Variants in PDE8B observed in about 807,000 individuals in gnomAD.
PDE8B encodes phosphodiesterase 8B.
Under a neutral mutation model 101.3 loss-of-function variants are expected in PDE8B, and 26 were observed. That is an observed-to-expected ratio of 0.26 (90% CI 0.19 to 0.36). The LOEUF (loss-of-function observed/expected upper bound fraction) is 0.36. PDE8B is among the 10% of genes least tolerant of loss of function. The pLI is 1.00. For missense variants in PDE8B, 810 were observed against 1,163.1 expected, an observed-to-expected ratio of 0.70 and a Z score of 4.42; for synonymous variants, 424 against 429.3, an observed-to-expected ratio of 0.99 and a Z score of 0.15.
the PDE8B span, chr5:77,086,910 CG>C: frequency 6.6e-6 from 1 of 152,412 alleles, no homozygotes; most frequent in East Asian, 1.9e-4. Flanking sequence ...AGACGGTGAG[CG>C]GGGCCTTGCC....
At position 77,290,199 on chromosome 5, in the gene PDE8B, C is replaced by T. The variant is rs570007740; in HGVS notation, c.340-21795C>T. On this transcript the variant is annotated intron_variant, in intron 1 of 21. Transcript: ENST00000264917. ...AAAACCATTGATGTGGCGCCTGCCT[C>T]GCGCACTGTGTGTGCACGCTGCAAA... 148 of 1,531,304 alleles carry T rather than the reference C, an allele frequency of 9.7e-5. No individual in the cohort carries two copies. In the South Asian group the frequency reaches 1.1e-3, roughly 12 times the overall value. The allele number at this position is 1,531,304 out of a possible 1,614,324, so 94.9% of individuals were successfully genotyped here.
At position 77,353,421 on chromosome 5, in the gene PDE8B, C is replaced by T. The variant is rs565643952; in HGVS notation, c.1167+15C>T. On this transcript the variant is annotated intron_variant, in intron 10 of 21. Transcript: ENST00000264917. ...ATAATAAGCAGGTATGGTATTAGCT[C>T]ACTTCGTTTGCTCTGTCTGTTTGGC... 14 of 1,537,738 alleles carry T rather than the reference C, an allele frequency of 9.1e-6. No individual in the cohort carries two copies. Among genetic ancestry groups the T allele is most frequent in the Non-Finnish European group, 1.3e-5 (14 of 1,110,292 alleles).
the PDE8B span, among the ~76,000 whole-genome samples, chr5:77,091,795 C>G: frequency 6.6e-6 from 1 of 152,062 alleles, no homozygotes; most frequent in Non-Finnish European, 1.5e-5. Context: ...AGCTTTATTG[C>G]TTTGAGTGTC....
chr5:77,408,312 G>A (rs1035894263), intron 13 of PDE8B, among the ~76,000 whole-genome samples: 2 of 152,236 alleles, frequency 1.3e-5, no homozygotes, highest in African/African-American at 4.8e-5. Context: ...AAAATGACAT[G>A]AGATAGAAGT....
intron 1 of PDE8B, 134 bp from the exon 2 acceptor site, chr5:77,311,860 C>G: frequency 1.3e-6 from 1 of 795,032 alleles, no homozygotes; most frequent in Non-Finnish European, 2.3e-6. Context: ...CTTGGTAACC[C>G]ATCTCCAGTT....
At chr5:77,406,103 A>G (rs758817716) in intron 12 of PDE8B, among the ~76,000 whole-genome samples, 2 of 152,122 alleles carry the variant, frequency 1.3e-5, no homozygotes, top group Non-Finnish European at 2.9e-5. Context: ...CCTGATCAAC[A>G]TGGTGAAACC....
chr5:77,202,563 A>G, the PDE8B span, among the ~76,000 whole-genome samples: 6 of 152,330 alleles, frequency 3.9e-5, no homozygotes, highest in African/African-American at 1.4e-4. Context: ...TACTACATAT[A>G]ACATGTAAAA....
At chr5:77,087,335 C>T in the PDE8B span, 1 of 152,368 alleles carries the variant, frequency 6.6e-6, no homozygotes, top group Non-Finnish European at 1.5e-5. Flanking sequence ...CGCCAAGGAT[C>T]GCGAGCGACA....
intron 3 of PDE8B, 28 bp downstream of exon 3, chr5:77,325,757 TA>T: frequency 1.3e-6 from 2 of 1,487,090 alleles, no homozygotes; most frequent in Non-Finnish European, 1.9e-6. Flanking sequence ...ATATGCTTAG[TA>T]AATGTTCACT....
chr5:77,286,475 T>C (rs1580795791), intron 1 of PDE8B, among the ~76,000 whole-genome samples: 1 of 152,230 alleles, frequency 6.6e-6, no homozygotes, highest in African/African-American at 2.4e-5. Context: ...CCTGCCCTCA[T>C]GGCAAAACTG....
chr5:77,190,570 T>C, the PDE8B span, among the ~76,000 whole-genome samples: 2 of 152,178 alleles, frequency 1.3e-5, no homozygotes, highest in Non-Finnish European at 2.9e-5. Flanking sequence ...GAGAAAGCAA[T>C]TGCTTCACTG....
At chr5:77,359,028 C>T (rs997952889) in intron 10 of PDE8B, among the ~76,000 whole-genome samples, 3 of 151,818 alleles carry the variant, frequency 2.0e-5, no homozygotes, top group Non-Finnish European at 2.9e-5. Flanking sequence ...TCCTGAGAAA[C>T]CACGTTTGGA....
intron 10 of PDE8B, among the ~76,000 whole-genome samples, chr5:77,360,851 T>C (rs114695257): frequency 5.4e-4 from 82 of 152,248 alleles, no homozygotes; most frequent in Non-Finnish European, 9.0e-4. Flanking sequence ...CTTTAAGCCA[T>C]TATGACCTCT....
Position 77,418,463 on chromosome 5 carries a change from C to T in PDE8B, c.2129+17C>T, listed in dbSNP as rs753537244. 5.1e-6 allele frequency: 8 copies of T among 1,570,512 alleles called. No homozygotes were observed. Among genetic ancestry groups the T allele is most frequent in the Non-Finnish European group, 7.0e-6 (8 of 1,142,912 alleles). ...TATTGACAGGTTTGTTGTGCTGGGG[C>T]TCCTGTGCTCAAGTTTGTGAAGTTT... On this transcript the variant is annotated intron_variant, in intron 18 of 21. Coordinates refer to ENST00000264917, the MANE Select transcript of PDE8B (RefSeq NM_003719.5).
chr5:77,423,617 C>G (rs373383130), intron 20 of PDE8B, among the ~76,000 whole-genome samples: 38 of 106,690 alleles, frequency 3.6e-4, no homozygotes, highest in African/African-American at 1.2e-3. Context: ...TGATGCTGGA[C>G]TTTTGTTTTG....
the PDE8B span, among the ~76,000 whole-genome samples, chr5:77,183,969 CT>C: frequency 3.4e-3 from 466 of 137,186 alleles, 1 homozygote; most frequent in African/African-American, 0.011. Flanking sequence ...TAAATACATA[CT>C]TTTTTTTTTT....
chr5:77,413,637 G>A (rs1357161686), intron 17 of PDE8B, among the ~76,000 whole-genome samples: 1 of 152,094 alleles, frequency 6.6e-6, no homozygotes, highest in Non-Finnish European at 1.5e-5. Context: ...TACAGCAAAT[G>A]GTTACTAGAT....
intron 1 of PDE8B, among the ~76,000 whole-genome samples, chr5:77,287,730 G>C (rs771425552): frequency 6.6e-6 from 1 of 151,840 alleles, no homozygotes; most frequent in Non-Finnish European, 1.5e-5. Context: ...TCTGTTCACT[G>C]TGTCTAATAT....
At chr5:77,375,765 A>G (rs1431354680) in intron 10 of PDE8B, among the ~76,000 whole-genome samples, 1 of 152,188 alleles carries the variant, frequency 6.6e-6, no homozygotes, top group African/African-American at 2.4e-5. Context: ...CTGGAAGGAA[A>G]AAACTGCTCA....
Sources: gnomAD v4.1 joint callset for allele counts (sites outside exome capture counted in the v4.1 genomes callset) on GRCh38, gnomAD v4.1.1 for gene constraint, MANE v1.5 for transcripts, NCBI Gene and HGNC (gene_info 2026-07-23, HGNC 2026-07-21) for gene names.